PALMD: variants seen among roughly 807,000 people sequenced by gnomAD.
PALMD encodes palmdelphin.
PALMD carries 42 observed loss-of-function variants against 56.2 expected under a neutral mutation model. The observed-to-expected ratio is 0.75, with a 90% CI of 0.58 to 0.97. PALMD has a LOEUF of 0.97. Ranked by LOEUF, PALMD falls within the 50% of genes least tolerant of loss-of-function variation. The pLI, the probability that PALMD is intolerant of heterozygous loss-of-function variation, is 0.00. For synonymous variants in PALMD, 242 were observed against 222.9 expected (o/e 1.09, Z -0.76); for missense variants, 660 against 643.8 (o/e 1.03, Z -0.27).
intron 3 of PALMD, among the ~76,000 whole-genome samples, chr1:99,678,923 G>T (rs1480399465): frequency 6.6e-6 from 1 of 151,488 alleles, no homozygotes; most frequent in Non-Finnish European, 1.5e-5. Flanking sequence ...TTGAGCCCAG[G>T]AGTTAAAGAC....
At chr1:99,683,019 G>GGAAAGAAA (rs1222231658) in intron 3 of PALMD, among the ~76,000 whole-genome samples, 12 of 48,462 alleles carry the variant, frequency 2.5e-4, no homozygotes, top group East Asian at 2.1e-3. Flanking sequence ...AAAGAAAGAA[G>GGAAAGAAA]GAAAGAAAGA....
chr1:99,680,378 T>C (rs937804315), intron 3 of PALMD, among the ~76,000 whole-genome samples: 4 of 152,168 alleles, frequency 2.6e-5, no homozygotes, highest in African/African-American at 9.7e-5. Context: ...AAAAGCAAGA[T>C]TCCAATAATG....
At chr1:99,686,621 G>A in intron 3 of PALMD, 55 bp from the exon 4 acceptor site, 1 of 838,848 alleles carries the variant, frequency 1.2e-6, no homozygotes, top group Non-Finnish European at 1.9e-6. Context: ...ACATATTTGA[G>A]AACTCCGCAT....
intron 1 of PALMD, among the ~76,000 whole-genome samples, chr1:99,659,415 A>G (rs995817385): frequency 4.6e-5 from 7 of 152,212 alleles, no homozygotes; most frequent in Admixed American, 3.3e-4. Context: ...ATTGAGAAAT[A>G]AGCAACAATA....
intron 3 of PALMD, chr1:99,683,912 T>C (rs1481450187): frequency 6.6e-6 from 1 of 152,244 alleles, no homozygotes; most frequent in Non-Finnish European, 1.5e-5. Flanking sequence ...ACCCTCATGT[T>C]TCCCGCTCTC....
intron 1 of PALMD, among the ~76,000 whole-genome samples, chr1:99,656,144 C>G (rs985164296): frequency 6.6e-6 from 1 of 152,106 alleles, no homozygotes; most frequent in Non-Finnish European, 1.5e-5. Flanking sequence ...TAAATAGTAG[C>G]TCTCTTTTCT....
chr1:99,664,688 A>G (rs1253389507), intron 2 of PALMD, among the ~76,000 whole-genome samples: 1 of 152,220 alleles, frequency 6.6e-6, no homozygotes, highest in East Asian at 1.9e-4. Flanking sequence ...GTATTTTTTA[A>G]AATAATTCTA....
At position 99,687,208 on chromosome 1, in the gene PALMD, T is replaced by C. The variant is rs1417814485; in HGVS notation, c.514+19T>C. ...AGGAAAGGTATATGAGAAATCTGTG[T>C]TGAAGGGCATGTTCTTAATTTCAGA... On this transcript the variant is annotated intron_variant, in intron 6 of 7. Transcript: ENST00000263174. 2 of 1,581,568 alleles carry C rather than the reference T, an allele frequency of 1.3e-6. No individual in the cohort carries two copies. Among genetic ancestry groups the C allele is most frequent in the Non-Finnish European group, 1.7e-6 (2 of 1,167,050 alleles).
At chr1:99,679,201 T>C (rs1173353552) in intron 3 of PALMD, among the ~76,000 whole-genome samples, 1 of 152,104 alleles carries the variant, frequency 6.6e-6, no homozygotes, top group Non-Finnish European at 1.5e-5. Context: ...CTTCAAAGTA[T>C]AGATAAGAGC....
intron 1 of PALMD, among the ~76,000 whole-genome samples, chr1:99,654,658 C>A (rs918748639): frequency 1.3e-5 from 2 of 152,036 alleles, no homozygotes; most frequent in Non-Finnish European, 2.9e-5. Flanking sequence ...AAAATAATCC[C>A]AATTTTATAT....
At chr1:99,675,583 T>C (rs1653181980) in intron 3 of PALMD, among the ~76,000 whole-genome samples, 1 of 152,134 alleles carries the variant, frequency 6.6e-6, no homozygotes, top group Non-Finnish European at 1.5e-5. Context: ...AGCCCTAATT[T>C]AAAAACACAC....
At chr1:99,689,968 T>G in intron 7 of PALMD, 96 bp downstream of exon 7, 4 of 1,145,292 alleles carry the variant, frequency 3.5e-6, no homozygotes, top group Non-Finnish European at 4.9e-6. Flanking sequence ...TCTGACCACC[T>G]CATAAACTAA....
At chr1:99,676,250 T>C (rs552283191) in intron 3 of PALMD, among the ~76,000 whole-genome samples, 3 of 152,214 alleles carry the variant, frequency 2.0e-5, no homozygotes, top group Admixed American at 6.5e-5. Context: ...TTCCTTATTA[T>C]ACACATGCCC....
At chr1:99,649,556 A>G (rs1490472581) in intron 1 of PALMD, among the ~76,000 whole-genome samples, 2 of 152,290 alleles carry the variant, frequency 1.3e-5, no homozygotes, top group Non-Finnish European at 2.9e-5. Context: ...TCTGAAAGTG[A>G]ACGTGGCCCA....
At chr1:99,687,509 T>C (rs137983800) in intron 6 of PALMD, among the ~76,000 whole-genome samples, 4 of 152,246 alleles carry the variant, frequency 2.6e-5, no homozygotes, top group African/African-American at 9.6e-5. Context: ...TAGAACCTCT[T>C]TGGGGGTTAC....
chr1:99,663,321 A>G (rs1211114797), intron 2 of PALMD, among the ~76,000 whole-genome samples: 1 of 152,174 alleles, frequency 6.6e-6, no homozygotes, highest in East Asian at 1.9e-4. Flanking sequence ...TTTGATGGAT[A>G]ATTTCAAAGC....
At chr1:99,682,571 T>C (rs997965805) in intron 3 of PALMD, among the ~76,000 whole-genome samples, 2 of 152,158 alleles carry the variant, frequency 1.3e-5, no homozygotes, top group African/African-American at 2.4e-5. Flanking sequence ...ATGAATCATA[T>C]GGCATTACAT....
Position 99,694,079 on chromosome 1 carries a change from ATAAACATCCT to A in PALMD, c.*19_*28del. 6.5e-7 allele frequency: 1 copy of A among 1,535,788 alleles called. No individual in the cohort carries two copies. The highest frequency in any genetic ancestry group is 9.0e-7 in the Non-Finnish European group (1 of 1,115,386). On this transcript the variant is annotated 3_prime_UTR_variant, in exon 8 of 8. Transcript: ENST00000263174. ...GTGATCTAAGAGTTGTACCACCTAT[ATAAACATCCT>A]TTGAAGAAGAAACTAAGAAGCATTT...
intron 3 of PALMD, among the ~76,000 whole-genome samples, chr1:99,676,990 A>G (rs764432437): frequency 2.0e-5 from 3 of 152,222 alleles, no homozygotes; most frequent in Non-Finnish European, 2.9e-5. Context: ...TATGTACTCA[A>G]TAATAGCCAT....
Sources: allele counts gnomAD v4.1 joint callset (sites outside exome capture counted in the v4.1 genomes callset), GRCh38; gene constraint gnomAD v4.1.1; transcripts MANE v1.5; gene names NCBI Gene and HGNC (gene_info 2026-07-23, HGNC 2026-07-21).